Variants in IQCH observed in about 807,000 individuals in gnomAD.
The protein encoded by IQCH is IQ motif containing H.
A neutral mutation model predicts 117.0 loss-of-function variants in IQCH; 98 were observed. The ratio of observed to expected loss-of-function variants is 0.84; its 90% CI spans 0.71 to 0.99. The LOEUF is 0.99. IQCH is among the 50% of genes least tolerant of loss of function. The probability of loss-of-function intolerance (pLI) is 0.00; values close to 1 mark genes in which losing one functional copy is unlikely to be tolerated. For synonymous variants in IQCH, 412 were observed against 448.2 expected (o/e 0.92, Z 1.02); for missense variants, 1,102 against 1,243.8 (o/e 0.89, Z 1.72).
At position 67,359,999 on chromosome 15, in the gene IQCH, G is replaced by A; in HGVS notation, c.753+114G>A. 1 of 710,914 alleles carries A rather than the reference G, an allele frequency of 1.4e-6. No homozygotes were observed. The allele number at this position is 710,914 out of a possible 1,614,324, so 44.0% of individuals were successfully genotyped here. Reference sequence around the variant, plus strand: ...TTGACAGCTGGAGATGGCAACAAAAGTTCGTGCTTCCTTTGTAAAAGAAAT... The same window carrying A: ...TTGACAGCTGGAGATGGCAACAAAAATTCGTGCTTCCTTTGTAAAAGAAAT... On this transcript the variant is annotated intron_variant, in intron 8 of 20. Transcript: ENST00000335894. The surrounding 1 kb of genome is among the most constrained non-coding windows in gnomAD (Gnocchi z 4.5).
chr15:67,272,642 A>G (rs140277852), intron 3 of IQCH, among the ~76,000 whole-genome samples: 199 of 152,284 alleles, frequency 1.3e-3, no homozygotes, highest in African/African-American at 4.5e-3. Context: ...CACTTGTTCT[A>G]TCTACTTGCT....
chr15:67,380,964 T>C (rs978460153), intron 10 of IQCH, among the ~76,000 whole-genome samples: 62 of 152,178 alleles, frequency 4.1e-4, no homozygotes, highest in Non-Finnish European at 1.8e-4. Flanking sequence ...AATACCATTA[T>C]AAGAAATAGG....
intron 19 of IQCH, among the ~76,000 whole-genome samples, chr15:67,492,856 G>A (rs563942927): frequency 6.6e-6 from 1 of 152,176 alleles, no homozygotes; most frequent in Non-Finnish European, 1.5e-5. Flanking sequence ...GATAGAGGAA[G>A]AGCCTGTTTC....
rs571030305 is a variant in IQCH at position 67,376,857 on chromosome 15, G to T, written c.1372+3424G>T. Among the ~76,000 whole-genome samples, 1 of 151,930 alleles carries T rather than the reference G, an allele frequency of 6.6e-6. No individual in the cohort carries two copies. The highest frequency in any genetic ancestry group is 1.5e-5 in the Non-Finnish European group (1 of 67,976). On this transcript the variant is annotated intron_variant, in intron 10 of 20. Transcript: ENST00000335894. The surrounding 1 kb of genome is among the most constrained non-coding windows in gnomAD (Gnocchi z 5.0). ...ACTTAGGCCAGGTGTGATGGCTCAC[G>T]CCTGTAATCCCAATCCTTCAAGAGG...
Position 67,359,709 on chromosome 15 carries a change from G to C in IQCH, c.715-138G>C. On this transcript the variant is annotated intron_variant, in intron 7 of 20. Transcript: ENST00000335894. This position sits in a 1 kb window ranked among gnomAD's most constrained non-coding sequence, Gnocchi z 4.5. ...AAGGTCTTTCTAATTATTAGCTCCT[G>C]CCTGCGTGGAAAGAGAGAACAGGCT... 1.3e-6 allele frequency: 1 copy of C among 759,054 alleles called. No homozygotes were observed. The highest frequency in any genetic ancestry group is 2.1e-5 in the Admixed American group (1 of 47,984). The allele number at this position is 759,054 out of a possible 1,614,324, so 47.0% of individuals were successfully genotyped here.
At chr15:67,277,465 A>C (rs959941282) in intron 3 of IQCH, among the ~76,000 whole-genome samples, 1 of 151,356 alleles carries the variant, frequency 6.6e-6, no homozygotes, top group African/African-American at 2.4e-5. Context: ...TGTTTATCTG[A>C]CTAGGAGTTA....
chr15:67,340,604 G>C (rs1216700475), intron 5 of IQCH, among the ~76,000 whole-genome samples: 5 of 152,068 alleles, frequency 3.3e-5, no homozygotes, highest in Non-Finnish European at 7.4e-5. Flanking sequence ...TTACTATATT[G>C]CCATGAAAAG....
At position 67,405,193 on chromosome 15, in the gene IQCH, G is replaced by C. The variant is rs1259470428; in HGVS notation, c.2097+4888G>C. 1 of 151,862 alleles carries C rather than the reference G, an allele frequency of 6.6e-6. No individual in the cohort carries two copies. The highest frequency in any genetic ancestry group is 1.9e-4 in the East Asian group (1 of 5,190). The allele number at this position is 151,862 out of a possible 1,614,324, so 9.4% of individuals were successfully genotyped here. A position where few individuals can be genotyped will look rare whatever the true frequency, so the allele number is the denominator to read the frequency against. ...ATTTTCTAGGTTAAGAAAAAATCTA[G>C]GTTATTATTTTTTCCAGTCATGAAA... On this transcript the variant is annotated intron_variant, in intron 14 of 20. Coordinates refer to ENST00000335894, the MANE Select transcript of IQCH (RefSeq NM_001031715.3). This position sits in a 1 kb window ranked among gnomAD's most constrained non-coding sequence, Gnocchi z 4.8.
At chr15:67,437,649 A>C (rs2082170908) in intron 16 of IQCH, among the ~76,000 whole-genome samples, 1 of 152,208 alleles carries the variant, frequency 6.6e-6, no homozygotes, top group Non-Finnish European at 1.5e-5. Flanking sequence ...AAATCCAAAA[A>C]ATGATACAAG....
At chr15:67,380,809 G>C (rs1200461271) in intron 10 of IQCH, among the ~76,000 whole-genome samples, 2 of 152,168 alleles carry the variant, frequency 1.3e-5, no homozygotes, top group African/African-American at 4.8e-5. Context: ...CTGATCATGA[G>C]TTTCAAAATG....
chr15:67,497,522 C>G (rs2083854160), intron 20 of IQCH, among the ~76,000 whole-genome samples: 3 of 151,800 alleles, frequency 2.0e-5, no homozygotes, highest in Non-Finnish European at 4.4e-5. Flanking sequence ...GAGACAGAGT[C>G]TCACTCTGTC....
In IQCH at chr15:67,369,709, G is replaced by A. The variant is rs1314081397; in HGVS notation, c.754-2402G>A. The stretch of plus-strand genomic sequence containing the variant: ...TGAAGCATGGCATGACCTTTAATCA[G>A]GGCTCTTATTCCTAGCAGGCTGTGA... On this transcript the variant is annotated intron_variant, in intron 8 of 20. Coordinates refer to ENST00000335894, the MANE Select transcript of IQCH (RefSeq NM_001031715.3). The surrounding 1 kb of genome is among the most constrained non-coding windows in gnomAD (Gnocchi z 5.2). Among the ~76,000 whole-genome samples the A allele has an allele frequency of 6.6e-6, 1 of 152,188 alleles. No homozygotes were observed.
rs758655425 is a variant in IQCH, at chr15:67,254,871, G to A, written c.-26G>A. Reference sequence around the variant, plus strand: ...CCGTGCTTGGAAACCGCGCCTCCGCGGAGGTAGCCGTTCCCTGACCTAGCC... The same window carrying A: ...CCGTGCTTGGAAACCGCGCCTCCGCAGAGGTAGCCGTTCCCTGACCTAGCC... On this transcript the variant is annotated 5_prime_UTR_variant, in exon 1 of 21. Coordinates refer to ENST00000335894, the MANE Select transcript of IQCH (RefSeq NM_001031715.3). 2 of 1,611,296 alleles carry A rather than the reference G, an allele frequency of 1.2e-6. No homozygotes were observed. Among genetic ancestry groups the A allele is most frequent in the East Asian group, 2.2e-5 (1 of 44,646 alleles).
Position 67,490,122 on chromosome 15 carries a change from T to A in IQCH, c.2861+58T>A. The A allele has an allele frequency of 9.0e-7, 1 of 1,110,012 alleles. No individual in the cohort carries two copies. Among genetic ancestry groups the A allele is most frequent in the Non-Finnish European group, 1.4e-6 (1 of 730,486 alleles). The allele number at this position is 1,110,012 out of a possible 1,614,324, so 68.8% of individuals were successfully genotyped here. ...AGCTAAGGAAATAGACAATCACAAC[T>A]AACAAGAATGATGCTTCTCATGCAT... is the stretch of plus-strand genomic sequence containing the variant. On this transcript the variant is annotated intron_variant, in intron 19 of 20. Coordinates refer to ENST00000335894, the MANE Select transcript of IQCH (RefSeq NM_001031715.3). This position sits in a 1 kb window ranked among gnomAD's most constrained non-coding sequence, Gnocchi z 4.9.
At position 67,363,178 on chromosome 15, in the gene IQCH, G is replaced by GA. The variant is rs890040391; in HGVS notation, c.753+3302dup. On this transcript the variant is annotated intron_variant, in intron 8 of 20. Transcript: ENST00000335894. ...AAGAGAAAAGAAAAATCCAGACACG[G>GA]AAAAAAAAACAAACAAACAACCCCT... is the stretch of plus-strand genomic sequence containing the variant. Among the ~76,000 whole-genome samples, 158 of 143,396 alleles carry GA rather than the reference G, an allele frequency of 1.1e-3. 1 individual carries two copies. The highest frequency in any genetic ancestry group is 3.4e-3 in the African/African-American group (134 of 39,230). The allele number at this position is 143,396 out of a possible 152,430, so 94.1% of individuals were successfully genotyped here. A position where few individuals can be genotyped will look rare whatever the true frequency, so the allele number is the denominator to read the frequency against.
chr15:67,269,955 A>C (rs1965834742), intron 3 of IQCH, among the ~76,000 whole-genome samples: 2 of 152,130 alleles, frequency 1.3e-5, no homozygotes, highest in Admixed American at 1.3e-4. Context: ...TGGGACTGGA[A>C]ATCTCTCTTC....
intron 4 of IQCH, chr15:67,306,727 A>AT (rs1967316683): frequency 1.2e-6 from 1 of 844,354 alleles, no homozygotes; most frequent in African/African-American, 1.7e-5. Flanking sequence ...TGTAAAATCA[A>AT]TTTACCAAAA....
At chr15:67,480,077 C>T (rs2083304517) in intron 18 of IQCH, among the ~76,000 whole-genome samples, 1 of 152,150 alleles carries the variant, frequency 6.6e-6, no homozygotes, top group African/African-American at 2.4e-5. Flanking sequence ...CTGCCTGCAC[C>T]AGTGTGGGGC....
At chr15:67,423,443 C>A (rs1284090558) in intron 16 of IQCH, among the ~76,000 whole-genome samples, 6 of 151,894 alleles carry the variant, frequency 4.0e-5, no homozygotes, top group Non-Finnish European at 4.4e-5. Context: ...GTGGCATGTA[C>A]CTGTAGTCCC....
Sources: gnomAD v4.1 joint callset for allele counts (sites outside exome capture counted in the v4.1 genomes callset) on GRCh38, gnomAD v4.1.1 for gene constraint, Gnocchi (gnomAD v3.1) non-coding constraint, MANE v1.5 for transcripts, NCBI Gene and HGNC (gene_info 2026-07-23, HGNC 2026-07-21) for gene names.